Variants in JMJD1C observed in about 807,000 individuals in gnomAD.
JMJD1C encodes the protein jumonji domain containing 1C.
Under a neutral mutation model 245.3 loss-of-function variants are expected in JMJD1C, and 31 were observed. The observed-to-expected ratio is 0.13, with a 90% CI of 0.09 to 0.17. The LOEUF (loss-of-function observed/expected upper bound fraction) is 0.17, where lower values mean the gene tolerates loss of function less well. Ranked by LOEUF, JMJD1C falls within the 10% of genes least tolerant of loss-of-function variation. JMJD1C has a pLI of 1.00. For synonymous variants in JMJD1C, 1,057 were observed against 1,017.4 expected (o/e 1.04, Z -0.74); for missense variants, 2,691 against 3,000.2 (o/e 0.90, Z 2.41).
chr10:63,325,796 T>C lies in JMJD1C; in HGVS notation c.333+54522A>G, dbSNP rs946888248. Among the ~76,000 whole-genome samples the C allele has an allele frequency of 3.9e-5, 6 of 152,302 alleles. No homozygotes were observed. The East Asian group carries it at 1.2e-3, about 29-fold the overall frequency. On this transcript the variant is annotated intron_variant, in intron 2 of 25. Coordinates refer to ENST00000399262, the MANE Select transcript of JMJD1C (RefSeq NM_032776.3). ...GGACACAGTTAAACATAATCCTTCT[T>C]AGAATAAACTATAAATCTCAGTGAA... is the stretch of plus-strand genomic sequence containing the variant.
At chr10:63,496,406 G>C (rs183493929) in intron 1 of JMJD1C, among the ~76,000 whole-genome samples, 130 of 152,188 alleles carry the variant, frequency 8.5e-4, no homozygotes, top group African/African-American at 3.0e-3. Context: ...AAACTACCTA[G>C]GGGTAGCTCT....
chr10:63,511,714 C>T (rs1198753024), intron 1 of JMJD1C, among the ~76,000 whole-genome samples: 1 of 150,094 alleles, frequency 6.7e-6, no homozygotes, highest in Non-Finnish European at 1.5e-5. Flanking sequence ...AAGACTCCAT[C>T]TCAAAAAAAA....
chr10:63,301,313 C>T (rs891567196), intron 2 of JMJD1C, among the ~76,000 whole-genome samples: 1 of 152,196 alleles, frequency 6.6e-6, no homozygotes. Context: ...CCACATCCAG[C>T]CTCTGAGAAT....
chr10:63,229,185 A>C (rs938865673), intron 3 of JMJD1C, among the ~76,000 whole-genome samples: 1 of 152,268 alleles, frequency 6.6e-6, no homozygotes, highest in South Asian at 2.1e-4. Context: ...AAAAGGAAAC[A>C]TATTAAAAGA....
intron 3 of JMJD1C, among the ~76,000 whole-genome samples, chr10:63,257,053 T>C (rs966434885): frequency 1.3e-5 from 2 of 151,802 alleles, no homozygotes; most frequent in Admixed American, 1.3e-4. Context: ...TGGCCAACAC[T>C]GGTGAAACCC....
intron 1 of JMJD1C, among the ~76,000 whole-genome samples, chr10:63,406,732 T>C (rs1011515541): frequency 6.6e-6 from 1 of 152,238 alleles, no homozygotes; most frequent in East Asian, 1.9e-4. Flanking sequence ...CAGGTACTGA[T>C]AGCTGGAATA....
At chr10:63,385,408 GCCC>G (rs1244426381) in intron 1 of JMJD1C, among the ~76,000 whole-genome samples, 1 of 124,328 alleles carries the variant, frequency 8.0e-6, no homozygotes, top group African/African-American at 3.0e-5. Flanking sequence ...TGCCTTCCCT[GCCC>G]CCGCCTTTTT....
chr10:63,471,116 T>C (rs957533793), intron 1 of JMJD1C, among the ~76,000 whole-genome samples: 1 of 152,204 alleles, frequency 6.6e-6, no homozygotes, highest in African/African-American at 2.4e-5. Context: ...CATTAAAATA[T>C]GCAAGTCTGC....
chr10:63,250,960 A>T (rs1852987261), intron 3 of JMJD1C, among the ~76,000 whole-genome samples: 1 of 152,016 alleles, frequency 6.6e-6, no homozygotes, highest in Non-Finnish European at 1.5e-5. Context: ...CCAGGCTAAT[A>T]TCAAACTCCT....
chr10:63,391,388 T>C (rs1948042679), intron 1 of JMJD1C, among the ~76,000 whole-genome samples: 1 of 152,056 alleles, frequency 6.6e-6, no homozygotes, highest in African/African-American at 2.4e-5. Flanking sequence ...CGGGTGCCTG[T>C]AGTCCCAGCC....
chr10:63,409,431 C>A (rs1949360163), intron 1 of JMJD1C, among the ~76,000 whole-genome samples: 1 of 151,998 alleles, frequency 6.6e-6, no homozygotes, highest in Admixed American at 6.6e-5. Context: ...TAAAGCGGGG[C>A]AGGCATGTAG....
intron 3 of JMJD1C, among the ~76,000 whole-genome samples, chr10:63,248,392 G>A (rs1029700119): frequency 2.6e-5 from 3 of 114,884 alleles, no homozygotes; most frequent in Non-Finnish European, 4.5e-5. Flanking sequence ...GTGGTGGCAG[G>A]TGCCTGTAAA....
At chr10:63,319,657 A>G (rs1940603434) in intron 2 of JMJD1C, among the ~76,000 whole-genome samples, 2 of 152,170 alleles carry the variant, frequency 1.3e-5, no homozygotes, top group Non-Finnish European at 1.5e-5. Flanking sequence ...TTTTTCTTTT[A>G]TATTTGCTAT....
At chr10:63,457,127 A>C (rs1434201570) in intron 1 of JMJD1C, among the ~76,000 whole-genome samples, 1 of 152,174 alleles carries the variant, frequency 6.6e-6, no homozygotes, top group Non-Finnish European at 1.5e-5. Context: ...GTATCAATAG[A>C]TATAACCCAA....
At chr10:63,417,844 T>G (rs1009611038) in intron 1 of JMJD1C, among the ~76,000 whole-genome samples, 1 of 152,200 alleles carries the variant, frequency 6.6e-6, no homozygotes, top group Non-Finnish European at 1.5e-5. Context: ...AATAAGCCAG[T>G]TATTGTCAAC....
In JMJD1C at chr10:63,388,186, T is replaced by C. The variant is rs548627043; in HGVS notation, c.169-7704A>G. On this transcript the variant is annotated intron_variant, in intron 1 of 25. Coordinates refer to ENST00000399262, the MANE Select transcript of JMJD1C (RefSeq NM_032776.3). ...AAAATATCTTTTCCAGAGCACCTTA[T>C]AGTAAAAATGTCACTAAGTCAAAGA... Among the ~76,000 whole-genome samples the C allele has an allele frequency of 5.9e-5, 9 of 152,252 alleles. No homozygotes were observed. The East Asian group carries it at 1.7e-3, about 29-fold the overall frequency.
chr10:63,316,797 G>A (rs921739813), intron 2 of JMJD1C, among the ~76,000 whole-genome samples: 1 of 152,094 alleles, frequency 6.6e-6, no homozygotes, highest in African/African-American at 2.4e-5. Flanking sequence ...TACATGCATA[G>A]AATTGTATTG....
intron 23 of JMJD1C, 76 bp downstream of exon 23, chr10:63,177,641 G>T: frequency 6.8e-7 from 1 of 1,464,388 alleles, no homozygotes; most frequent in Non-Finnish European, 9.5e-7. Flanking sequence ...ATTGTTGAAT[G>T]CCAAGTGAAG....
intron 1 of JMJD1C, among the ~76,000 whole-genome samples, chr10:63,446,280 C>A (rs995206372): frequency 7.2e-5 from 11 of 152,058 alleles, no homozygotes; most frequent in Non-Finnish European, 2.9e-5. Context: ...GGGACCTAAA[C>A]TAGAAGGATG....
Sources: allele counts gnomAD v4.1 joint callset (sites outside exome capture counted in the v4.1 genomes callset), GRCh38; gene constraint gnomAD v4.1.1; transcripts MANE v1.5; gene names NCBI Gene and HGNC (gene_info 2026-07-23, HGNC 2026-07-21).